The following KCND2 variants were observed in gnomAD, a reference collection of about 807,000 sequenced individuals.
KCND2 encodes A-type voltage-gated potassium channel KCND2.
Under a neutral mutation model 54.4 loss-of-function variants are expected in KCND2, and 16 were observed. That is an observed-to-expected ratio of 0.29 (90% CI 0.20 to 0.45). The LOEUF is 0.45. Among genes scored for constraint, KCND2 ranks in the 20% least tolerant of loss-of-function variants. KCND2 has a pLI of 1.00. For missense variants in KCND2, 486 were observed against 824.2 expected (o/e 0.59, Z 5.02); for synonymous variants, 317 against 310.7 (o/e 1.02, Z -0.21).
chr7:120,673,576 C>T (rs1335925236), intron 1 of KCND2, among the ~76,000 whole-genome samples: 1 of 152,092 alleles, frequency 6.6e-6, no homozygotes, highest in African/African-American at 2.4e-5. Flanking sequence ...CATTATTTCC[C>T]ACTTAAATGT....
In KCND2 at chr7:120,422,379, A is replaced by G. The variant is rs144739276; in HGVS notation, c.1115+146632A>G. Among the ~76,000 whole-genome samples the G allele has an allele frequency of 9.3e-3, 1,422 of 152,222 alleles. 49 individuals carry two copies. Among genetic ancestry groups the G allele is most frequent in the Non-Finnish European group, 5.5e-3 (375 of 68,032 alleles). Reference sequence around the variant, plus strand: ...CCTTTTCTTCTTCCTTCATCCACACAGTTATCCTCAGGAGATTGGCGAAGT... The same window carrying G: ...CCTTTTCTTCTTCCTTCATCCACACGGTTATCCTCAGGAGATTGGCGAAGT... On this transcript the variant is annotated intron_variant, in intron 1 of 5. Coordinates refer to ENST00000331113, the MANE Select transcript of KCND2 (RefSeq NM_012281.3).
chr7:120,742,394 A>G, intron 3 of KCND2, 116 bp from the exon 4 acceptor site: 1 of 854,804 alleles, frequency 1.2e-6, no homozygotes, highest in Non-Finnish European at 2.0e-6. Context: ...TTCTAGTTAG[A>G]AAAAAATAAA....
chr7:120,728,006 T>C (rs1205106546), intron 1 of KCND2, among the ~76,000 whole-genome samples: 1 of 151,260 alleles, frequency 6.6e-6, no homozygotes, highest in Admixed American at 6.6e-5. Flanking sequence ...TGGTGGCATG[T>C]GCCTGTAATC....
At chr7:120,706,208 T>G (rs1792466593) in intron 1 of KCND2, among the ~76,000 whole-genome samples, 1 of 152,196 alleles carries the variant, frequency 6.6e-6, no homozygotes, top group South Asian at 2.1e-4. Flanking sequence ...GAGTCAGGGT[T>G]GGATACAGCT....
At chr7:120,702,002 A>G (rs1413458967) in intron 1 of KCND2, among the ~76,000 whole-genome samples, 1 of 152,212 alleles carries the variant, frequency 6.6e-6, no homozygotes, top group Non-Finnish European at 1.5e-5. Context: ...AGAAACATCA[A>G]CAGAGTAAAC....
chr7:120,399,733 T>C (rs780984310), intron 1 of KCND2, among the ~76,000 whole-genome samples: 16 of 151,678 alleles, frequency 1.1e-4, no homozygotes, highest in Admixed American at 2.0e-4. Flanking sequence ...TATTTATTTA[T>C]TTATTCATTT....
At chr7:120,740,587 A>G (rs553115968) in intron 2 of KCND2, among the ~76,000 whole-genome samples, 1 of 152,264 alleles carries the variant, frequency 6.6e-6, no homozygotes, top group East Asian at 1.9e-4. Context: ...CGTCAACAAC[A>G]GCAGTTAGAA....
At chr7:120,705,324 A>G (rs1309470116) in intron 1 of KCND2, among the ~76,000 whole-genome samples, 1 of 152,170 alleles carries the variant, frequency 6.6e-6, no homozygotes, top group African/African-American at 2.4e-5. Flanking sequence ...TCATGTGCTC[A>G]ATATGATGTA....
intron 1 of KCND2, among the ~76,000 whole-genome samples, chr7:120,294,279 T>G (rs1799477252): frequency 6.6e-6 from 1 of 151,952 alleles, no homozygotes; most frequent in African/African-American, 2.4e-5. Context: ...CTGATTATGT[T>G]ACTACTTTAG....
At chr7:120,575,028 T>C (rs776242433) in intron 1 of KCND2, among the ~76,000 whole-genome samples, 74 of 152,152 alleles carry the variant, frequency 4.9e-4, no homozygotes, top group Non-Finnish European at 1.0e-4. Flanking sequence ...ACGACTCTTA[T>C]AGTGTGTATT....
Position 120,312,063 on chromosome 7 carries a change from C to T in KCND2, c.1115+36316C>T, listed in dbSNP as rs144989970. Among the ~76,000 whole-genome samples, 566 of 152,168 alleles carry T rather than the reference C, an allele frequency of 3.7e-3. 2 individuals are homozygous for T. Among genetic ancestry groups the T allele is most frequent in the Non-Finnish European group, 5.9e-3 (399 of 67,998 alleles). On this transcript the variant is annotated intron_variant, in intron 1 of 5. Coordinates refer to ENST00000331113, the MANE Select transcript of KCND2 (RefSeq NM_012281.3). Reference sequence around the variant, plus strand: ...GGGATAACAGGCATGCAACATCATGCCTGGCTAATTTTGTATTTTTAATAG... The same window carrying T: ...GGGATAACAGGCATGCAACATCATGTCTGGCTAATTTTGTATTTTTAATAG...
chr7:120,602,687 A>AATAACTAC (rs1388715974), intron 1 of KCND2, among the ~76,000 whole-genome samples: 1 of 152,244 alleles, frequency 6.6e-6, no homozygotes, highest in African/African-American at 2.4e-5. Flanking sequence ...AGCCTCAAGA[A>AATAACTAC]ATAACTACTT....
chr7:120,573,963 A>C (rs1191171595), intron 1 of KCND2, among the ~76,000 whole-genome samples: 1 of 152,214 alleles, frequency 6.6e-6, no homozygotes, highest in African/African-American at 2.4e-5. Flanking sequence ...TTAGGTATTA[A>C]AAATACATGT....
In KCND2 at chr7:120,459,520, T is replaced by C. The variant is rs535393569; in HGVS notation, c.1115+183773T>C. Among the ~76,000 whole-genome samples, 8 of 152,316 alleles carry C rather than the reference T, an allele frequency of 5.3e-5. 1 individual carries two copies. The South Asian group carries it at 8.3e-4, about 16-fold the overall frequency. ...TATCACTTTCTAGTCTTTTATATCA[T>C]TTATTTATTTTGTGTGCCCTTTGTA... is the stretch of plus-strand genomic sequence containing the variant. On this transcript the variant is annotated intron_variant, in intron 1 of 5. Transcript: ENST00000331113.
intron 1 of KCND2, among the ~76,000 whole-genome samples, chr7:120,648,126 ACTAT>A (rs1271804266): frequency 6.6e-6 from 1 of 152,166 alleles, no homozygotes; most frequent in Non-Finnish European, 1.5e-5. Flanking sequence ...GTCCTCCTAA[ACTAT>A]CTGTTTTGTT....
At chr7:120,605,895 C>G (rs903221041) in intron 1 of KCND2, among the ~76,000 whole-genome samples, 31 of 152,176 alleles carry the variant, frequency 2.0e-4, no homozygotes, top group Non-Finnish European at 4.1e-4. Flanking sequence ...CAAATCTCTT[C>G]TTTAATTGTA....
chr7:120,596,882 C>T (rs192183990), intron 1 of KCND2, among the ~76,000 whole-genome samples: 1 of 152,088 alleles, frequency 6.6e-6, no homozygotes, highest in Non-Finnish European at 1.5e-5. Flanking sequence ...ATAAATAATC[C>T]TCGTTAACAT....
intron 1 of KCND2, among the ~76,000 whole-genome samples, chr7:120,277,273 G>C (rs890014334): frequency 6.6e-6 from 1 of 151,942 alleles, no homozygotes; most frequent in East Asian, 1.9e-4. Context: ...TTTTTATCTT[G>C]TTGGCAAATT....
At chr7:120,302,316 G>A (rs1406058645) in intron 1 of KCND2, among the ~76,000 whole-genome samples, 2 of 152,168 alleles carry the variant, frequency 1.3e-5, no homozygotes, top group South Asian at 2.1e-4. Context: ...CTGGAGTGCA[G>A]TGTTGTGATC....
Sources: gnomAD v4.1 joint callset for allele counts (sites outside exome capture counted in the v4.1 genomes callset) on GRCh38, gnomAD v4.1.1 for gene constraint, MANE v1.5 for transcripts, NCBI Gene and HGNC (gene_info 2026-07-23, HGNC 2026-07-21) for gene names.